SH3BGR: variants seen among roughly 807,000 people sequenced by gnomAD.
SH3BGR encodes SH3 domain binding glutamate rich protein.
A neutral mutation model predicts 24.5 loss-of-function variants in SH3BGR; 29 were observed. That is an observed-to-expected ratio of 1.18 (90% CI 0.88 to 1.61). SH3BGR has a LOEUF of 1.61. Ranked by LOEUF, SH3BGR falls within the 40% of genes most tolerant of loss-of-function variation. The pLI is 0.00. For missense variants in SH3BGR, 162 were observed against 205.8 expected, an observed-to-expected ratio of 0.79 and a Z score of 1.30; for synonymous variants, 55 against 65.7, an observed-to-expected ratio of 0.84 and a Z score of 0.79.
At chr21:39,497,541 A>G (rs2078419126) in intron 3 of SH3BGR, among the ~76,000 whole-genome samples, 1 of 152,060 alleles carries the variant, frequency 6.6e-6, no homozygotes, top group Admixed American at 6.5e-5. Flanking sequence ...TAACATGACA[A>G]AGGACTAAAA....
chr21:39,486,508 G>C (rs980335492), intron 3 of SH3BGR, among the ~76,000 whole-genome samples: 1 of 152,084 alleles, frequency 6.6e-6, no homozygotes, highest in Non-Finnish European at 1.5e-5. Context: ...AGATGTAGTA[G>C]GTCTGGAGTA....
intron 5 of SH3BGR, 145 bp downstream of exon 5, chr21:39,509,172 C>G (rs1490879695): frequency 1.7e-6 from 1 of 605,574 alleles, no homozygotes; most frequent in Non-Finnish European, 2.9e-6. Context: ...CTTTAACATG[C>G]TGAGAAGGAA....
intron 2 of SH3BGR, among the ~76,000 whole-genome samples, chr21:39,463,041 A>G (rs908697632): frequency 3.3e-5 from 5 of 152,076 alleles, no homozygotes; most frequent in African/African-American, 1.2e-4. Context: ...GCAGTACTCC[A>G]CCCAGCTAAT....
In SH3BGR at chr21:39,509,240, T is replaced by C. The variant is rs551758964; in HGVS notation, c.435+213T>C. 1.3e-3 allele frequency among the ~76,000 whole-genome samples: 195 copies of C among 152,270 alleles called. 2 individuals are homozygous for C. Among genetic ancestry groups the C allele is most frequent in the Non-Finnish European group, 2.2e-3 (147 of 68,018 alleles). ...TGGAGAGAGAAACGGGGCTTGGCTG[T>C]GGACTCTGTTCGGAGCCCCCTCAGG... is the stretch of plus-strand genomic sequence containing the variant. On this transcript the variant is annotated intron_variant, in intron 5 of 6. Coordinates refer to ENST00000333634, the MANE Select transcript of SH3BGR (RefSeq NM_007341.3).
chr21:39,513,238 A>T (rs1257317358), intron 6 of SH3BGR, among the ~76,000 whole-genome samples: 1 of 152,216 alleles, frequency 6.6e-6, no homozygotes, highest in Non-Finnish European at 1.5e-5. Flanking sequence ...ACCTAAAGTG[A>T]CTTCACCATG....
intron 1 of SH3BGR, among the ~76,000 whole-genome samples, chr21:39,461,745 G>A (rs1300488349): frequency 6.6e-6 from 1 of 152,130 alleles, no homozygotes; most frequent in Non-Finnish European, 1.5e-5. Flanking sequence ...GTTTGTTTAT[G>A]TACTAAGCTA....
intron 4 of SH3BGR, among the ~76,000 whole-genome samples, chr21:39,501,396 C>T (rs1602162469): frequency 6.6e-6 from 1 of 152,122 alleles, no homozygotes; most frequent in East Asian, 1.9e-4. Flanking sequence ...GTTCTCTTTG[C>T]TACTACATTT....
chr21:39,506,337 C>A (rs2078582642), intron 4 of SH3BGR, among the ~76,000 whole-genome samples: 2 of 152,156 alleles, frequency 1.3e-5, no homozygotes, highest in South Asian at 4.1e-4. Context: ...GAGAAAATTG[C>A]ATGTGACTCA....
intron 6 of SH3BGR, 57 bp from the exon 7 acceptor site, chr21:39,515,031 G>T (rs940506223): frequency 4.4e-5 from 20 of 451,638 alleles, no homozygotes; most frequent in Non-Finnish European, 8.7e-5. Flanking sequence ...GAAGATTGTG[G>T]TAAACATTCT....
chr21:39,477,335 TA>T lies in SH3BGR; in HGVS notation c.312+2121del, dbSNP rs2078043748. Among the ~76,000 whole-genome samples, 7 of 152,342 alleles carry T rather than the reference TA, an allele frequency of 4.6e-5. No individual in the cohort carries two copies. In the South Asian group the frequency reaches 1.4e-3, roughly 32 times the overall value. The stretch of plus-strand genomic sequence containing the variant: ...TTATTTTTTAGAGACAGGATCTTGC[TA>T]TGTTGCCCAGGCTAGTTTTGAACTT... On this transcript the variant is annotated intron_variant, in intron 3 of 6. Transcript: ENST00000333634.
At chr21:39,466,516 A>G (rs71316677) in intron 2 of SH3BGR, among the ~76,000 whole-genome samples, 50,695 of 152,052 alleles carry the variant, frequency 0.33, 8,854 homozygotes, top group Non-Finnish European at 0.37. Context: ...CCAGGACTGG[A>G]TAATTTATAA....
chr21:39,479,753 A>T (rs1375802884), intron 3 of SH3BGR, among the ~76,000 whole-genome samples: 2 of 152,072 alleles, frequency 1.3e-5, no homozygotes, highest in Non-Finnish European at 2.9e-5. Context: ...AACTAAATCT[A>T]CTTCTTCTTT....
chr21:39,500,202 T>C (rs4818041), intron 4 of SH3BGR, among the ~76,000 whole-genome samples: 85,066 of 151,710 alleles, frequency 0.56, 24,241 homozygotes, highest in East Asian at 0.68. Context: ...AGGTTAGGTG[T>C]ATGCTCTTTA....
chr21:39,515,108 A>G lies in SH3BGR; in HGVS notation c.*55A>G. On this transcript the variant is annotated 3_prime_UTR_variant, in exon 7 of 7. Transcript: ENST00000333634. Reference sequence around the variant, plus strand: ...TTTAGAAAATGGAAGCTATGAAGCAACATTTCAAATGTCTCTCCACAAACC... The same window carrying G: ...TTTAGAAAATGGAAGCTATGAAGCAGCATTTCAAATGTCTCTCCACAAACC... 1 of 470,530 alleles carries G rather than the reference A, an allele frequency of 2.1e-6. No homozygotes were observed. Among genetic ancestry groups the G allele is most frequent in the East Asian group, 6.9e-5 (1 of 14,392 alleles). 29.1% of individuals were successfully genotyped at this position (470,530 alleles called of 1,614,324 possible). A position where few individuals can be genotyped will look rare whatever the true frequency, so the allele number is the denominator to read the frequency against.
At chr21:39,497,396 A>G (rs1417164462) in intron 3 of SH3BGR, among the ~76,000 whole-genome samples, 1 of 151,818 alleles carries the variant, frequency 6.6e-6, no homozygotes, top group African/African-American at 2.4e-5. Context: ...AAAGCTCTAG[A>G]TATTAATAAC....
upstream of SH3BGR, among the ~76,000 whole-genome samples, chr21:39,450,611 A>T (rs372304664): frequency 1.3e-5 from 2 of 152,146 alleles, no homozygotes; most frequent in Admixed American, 6.5e-5. Flanking sequence ...GAGAACAGAG[A>T]GAGAGAGAGA....
upstream of SH3BGR, chr21:39,451,764 A>G: frequency 1.9e-6 from 2 of 1,047,926 alleles, no homozygotes; most frequent in South Asian, 2.8e-5. Flanking sequence ...CGATTGGTGC[A>G]CAGCACAGCC....
At chr21:39,467,244 G>C (rs964788994) in intron 2 of SH3BGR, among the ~76,000 whole-genome samples, 1 of 150,424 alleles carries the variant, frequency 6.6e-6, no homozygotes, top group Non-Finnish European at 1.5e-5. Context: ...ATCCCAGTTT[G>C]CTGTGATCTA....
chr21:39,491,500 C>G (rs1457829994), intron 3 of SH3BGR: 1 of 203,878 alleles, frequency 4.9e-6, no homozygotes, highest in Non-Finnish European at 9.9e-6. Flanking sequence ...TTTTATTTTT[C>G]TCCAGAGAAT....
Sources: allele counts gnomAD v4.1 joint callset (sites outside exome capture counted in the v4.1 genomes callset), GRCh38; gene constraint gnomAD v4.1.1; transcripts MANE v1.5; gene names NCBI Gene and HGNC (gene_info 2026-07-23, HGNC 2026-07-21).